Variants in CALN1 observed in about 807,000 individuals in gnomAD.
CALN1 encodes the protein calneuron 1, also known as calcium-binding protein 8.
Under a neutral mutation model 30.6 loss-of-function variants are expected in CALN1, and 17 were observed. That is an observed-to-expected ratio of 0.56 (90% CI 0.38 to 0.83). The LOEUF is 0.83. Among genes scored for constraint, CALN1 ranks in the 40% least tolerant of loss-of-function variants. The pLI is 0.00. For missense variants in CALN1, 291 were observed against 354.9 expected, an observed-to-expected ratio of 0.82 and a Z score of 1.45; for synonymous variants, 156 against 131.4, an observed-to-expected ratio of 1.19 and a Z score of -1.28.
chr7:72,053,114 C>A (rs1802944891), intron 4 of CALN1, among the ~76,000 whole-genome samples: 1 of 152,326 alleles, frequency 6.6e-6, no homozygotes, highest in African/African-American at 2.4e-5. Context: ...CCTGTAATCC[C>A]AGCTACTCGG....
At chr7:72,043,978 A>G (rs1449183296) in intron 4 of CALN1, among the ~76,000 whole-genome samples, 1 of 152,162 alleles carries the variant, frequency 6.6e-6, no homozygotes, top group African/African-American at 2.4e-5. Context: ...TTTTAAAACC[A>G]TCAGATCTTG....
chr7:71,993,029 CCAT>C, intron 5 of CALN1, among the ~76,000 whole-genome samples: 1 of 124,636 alleles, frequency 8.0e-6, no homozygotes, highest in African/African-American at 4.2e-5. Context: ...AGAAAGAGAA[CCAT>C]TGGAGAAGAA....
the CALN1 span, among the ~76,000 whole-genome samples, chr7:72,493,425 A>C: frequency 6.6e-6 from 1 of 150,612 alleles, no homozygotes; most frequent in African/African-American, 2.4e-5. Flanking sequence ...TGCAGCCTCC[A>C]CCTCCCAAGT....
intron 1 of CALN1, among the ~76,000 whole-genome samples, chr7:72,434,383 G>C (rs544913826): frequency 5.3e-5 from 8 of 151,330 alleles, no homozygotes; most frequent in African/African-American, 1.7e-4. Flanking sequence ...ATAGCTGGGC[G>C]TACTGGCGGG....
chr7:72,296,480 T>C (rs1462701387), intron 2 of CALN1, among the ~76,000 whole-genome samples: 1 of 151,724 alleles, frequency 6.6e-6, no homozygotes, highest in Non-Finnish European at 1.5e-5. Context: ...CGGCCGTGAA[T>C]CCATCTGGTC....
At chr7:71,994,100 A>C (rs1381541953) in intron 5 of CALN1, among the ~76,000 whole-genome samples, 1 of 152,152 alleles carries the variant, frequency 6.6e-6, no homozygotes, top group Non-Finnish European at 1.5e-5. Flanking sequence ...CTACTATAAA[A>C]ATTTTTAAGA....
rs117709170 is a variant in CALN1, at chr7:71,910,861, T to G, written c.502-100369A>C. On this transcript the variant is annotated intron_variant, in intron 5 of 6. Coordinates refer to ENST00000395275, the MANE Select transcript of CALN1 (RefSeq NM_031468.4). ...CAATGTATTGCTTTTGTGCTTAGTA[T>G]TAAGACTCAGTTTCTGTTATTTGTG... Among the ~76,000 whole-genome samples, 140 of 152,308 alleles carry G rather than the reference T, an allele frequency of 9.2e-4. No homozygotes were observed. The East Asian group carries it at 0.025, about 27-fold the overall frequency.
At chr7:71,954,814 G>A (rs1796874316) in intron 5 of CALN1, among the ~76,000 whole-genome samples, 1 of 152,216 alleles carries the variant, frequency 6.6e-6, no homozygotes, top group African/African-American at 2.4e-5. Flanking sequence ...ACTGGCAGCA[G>A]TGAGTACAGA....
chr7:72,216,763 G>C (rs1253954742), intron 3 of CALN1, among the ~76,000 whole-genome samples: 2 of 152,070 alleles, frequency 1.3e-5, no homozygotes, highest in Non-Finnish European at 2.9e-5. Context: ...ATTGTTTTTT[G>C]GTGGGGGAGA....
At chr7:72,163,564 G>T (rs1419398295) in intron 3 of CALN1, among the ~76,000 whole-genome samples, 2 of 152,114 alleles carry the variant, frequency 1.3e-5, no homozygotes, top group Admixed American at 6.6e-5. Context: ...TGACTAGATG[G>T]AGAACCTCTG....
chr7:72,067,990 C>A (rs529566948), intron 4 of CALN1, among the ~76,000 whole-genome samples: 3 of 152,324 alleles, frequency 2.0e-5, no homozygotes, highest in Admixed American at 6.5e-5. Context: ...TCATTATTTA[C>A]AAGTCTGGCT....
chr7:72,408,946 G>T (rs1048126145), intron 1 of CALN1, among the ~76,000 whole-genome samples: 2 of 151,928 alleles, frequency 1.3e-5, no homozygotes, highest in African/African-American at 4.8e-5. Flanking sequence ...CCAAAGTGCT[G>T]GGATTGCAGG....
chr7:72,028,873 C>T (rs954458730), intron 4 of CALN1, among the ~76,000 whole-genome samples: 6 of 151,996 alleles, frequency 3.9e-5, no homozygotes, highest in African/African-American at 1.4e-4. Context: ...AACCTGTAAT[C>T]CCAGCTACTT....
At chr7:72,405,363 G>A (rs1806628941) in intron 1 of CALN1, among the ~76,000 whole-genome samples, 1 of 152,186 alleles carries the variant, frequency 6.6e-6, no homozygotes. Context: ...GCCTAGGGAT[G>A]ATCTGAGACC....
chr7:71,875,725 G>A (rs1792203780), intron 5 of CALN1, among the ~76,000 whole-genome samples: 2 of 152,234 alleles, frequency 1.3e-5, no homozygotes, highest in Non-Finnish European at 2.9e-5. Context: ...AAAAAGAGGT[G>A]GGGTAAGGGG....
At chr7:72,242,112 A>G (rs1794880741) in intron 3 of CALN1, among the ~76,000 whole-genome samples, 1 of 152,206 alleles carries the variant, frequency 6.6e-6, no homozygotes, top group African/African-American at 2.4e-5. Flanking sequence ...GACCTCATAG[A>G]AATGGAATCA....
chr7:72,104,651 T>TGTGG (rs1313236926), intron 4 of CALN1, among the ~76,000 whole-genome samples: 3 of 152,126 alleles, frequency 2.0e-5, no homozygotes, highest in Non-Finnish European at 4.4e-5. Context: ...ACAGGTATCT[T>TGTGG]GGAACCCAAA....
chr7:71,859,127 A>G (rs1400045232), intron 5 of CALN1, among the ~76,000 whole-genome samples: 1 of 152,046 alleles, frequency 6.6e-6, no homozygotes, highest in Admixed American at 6.6e-5. Context: ...CAGCGGCATG[A>G]TCTCGGCTCA....
chr7:72,249,299 G>A (rs1459689800), intron 3 of CALN1, among the ~76,000 whole-genome samples: 1 of 152,154 alleles, frequency 6.6e-6, no homozygotes, highest in Non-Finnish European at 1.5e-5. Context: ...CCAGACACCT[G>A]CCCATACACA....
Sources: allele counts gnomAD v4.1 joint callset (sites outside exome capture counted in the v4.1 genomes callset), GRCh38; gene constraint gnomAD v4.1.1; transcripts MANE v1.5; gene names NCBI Gene and HGNC (gene_info 2026-07-23, HGNC 2026-07-21).